The following DTD1 variants were observed in gnomAD, a reference collection of about 807,000 sequenced individuals.
The protein encoded by DTD1 is D-tyrosyl-tRNA deacylase 1 homolog.
DTD1 carries 13 observed loss-of-function variants against 25.6 expected under a neutral mutation model. That is an observed-to-expected ratio of 0.51 (90% CI 0.33 to 0.81). The LOEUF is 0.81. Ranked by LOEUF, DTD1 falls within the 30% of genes least tolerant of loss-of-function variation. The pLI is 0.02. For synonymous variants in DTD1, 110 were observed against 103.6 expected (o/e 1.06, Z -0.37); for missense variants, 193 against 266.4 (o/e 0.72, Z 1.92).
At chr20:18,717,262 TAG>T (rs1378277878) in intron 4 of DTD1, among the ~76,000 whole-genome samples, 1 of 152,180 alleles carries the variant, frequency 6.6e-6, no homozygotes, top group Non-Finnish European at 1.5e-5. Context: ...TTCACCATAG[TAG>T]TAACAGGAAG....
intron 4 of DTD1, among the ~76,000 whole-genome samples, chr20:18,723,788 A>G (rs765065342): frequency 2.0e-5 from 3 of 152,240 alleles, no homozygotes; most frequent in Non-Finnish European, 4.4e-5. Context: ...TAATGATTCT[A>G]TGAGTTCAGA....
intron 4 of DTD1, among the ~76,000 whole-genome samples, chr20:18,646,100 A>G (rs2060849325): frequency 6.6e-6 from 1 of 152,224 alleles, no homozygotes; most frequent in South Asian, 2.1e-4. Context: ...GGAGAGACCA[A>G]AGCAGAAGCG....
At chr20:18,674,338 T>TAGC (rs1426232749) in intron 4 of DTD1, 1 of 152,228 alleles carries the variant, frequency 6.6e-6, no homozygotes, top group Non-Finnish European at 1.5e-5. Context: ...AAACTGCTTG[T>TAGC]AGCAGTTCCA....
intron 5 of DTD1, among the ~76,000 whole-genome samples, chr20:18,762,219 A>G (rs1329030768): frequency 6.6e-6 from 1 of 152,234 alleles, no homozygotes; most frequent in Non-Finnish European, 1.5e-5. Context: ...TGGCACTGCC[A>G]TGGCATATTG....
chr20:18,601,328 A>G (rs1165346382), intron 3 of DTD1, among the ~76,000 whole-genome samples: 2 of 151,994 alleles, frequency 1.3e-5, no homozygotes, highest in African/African-American at 2.4e-5. Flanking sequence ...GGGAAACCCA[A>G]TTTCTATGAA....
Position 18,676,662 on chromosome 20 carries a change from C to T in DTD1, c.477+48429C>T, listed in dbSNP as rs996150707. On this transcript the variant is annotated intron_variant, in intron 4 of 5. Coordinates refer to ENST00000377452, the MANE Select transcript of DTD1 (RefSeq NM_080820.6). ...GCAAAACAGACAAGAGTAGAGTGCA[C>T]ACACAACTGATTTATCTTCAGAGCC... 1.1e-4 allele frequency among the ~76,000 whole-genome samples: 17 copies of T among 152,318 alleles called. No homozygotes were observed. The South Asian group carries it at 1.2e-3, about 11-fold the overall frequency.
At chr20:18,761,198 C>T (rs1435823455) in intron 5 of DTD1, among the ~76,000 whole-genome samples, 2 of 152,070 alleles carry the variant, frequency 1.3e-5, no homozygotes, top group African/African-American at 4.8e-5. Flanking sequence ...GAGGCGATGC[C>T]TCGCCCTGCT....
chr20:18,761,808 C>A (rs969515770), intron 5 of DTD1, among the ~76,000 whole-genome samples: 2 of 152,128 alleles, frequency 1.3e-5, no homozygotes, highest in Non-Finnish European at 2.9e-5. Context: ...ATGAATAGTC[C>A]CCAGGTCCGT....
In DTD1 at chr20:18,639,182, GA is replaced by G. The variant is rs56353252; in HGVS notation, c.477+10965del. On this transcript the variant is annotated intron_variant, in intron 4 of 5. Transcript: ENST00000377452. ...ACTTGTTTGATGGTTTTTTTTTTAAGAAAAAAAAAAAAAAAAGCAAGCAAGT... is the reference window on the plus strand; with the variant it reads ...ACTTGTTTGATGGTTTTTTTTTTAAGAAAAAAAAAAAAAAAGCAAGCAAGT... Among the ~76,000 whole-genome samples, 121 of 118,220 alleles carry G rather than the reference GA, an allele frequency of 1.0e-3. 1 individual carries two copies. Among genetic ancestry groups the G allele is most frequent in the Middle Eastern group, 4.6e-3 (1 of 218 alleles). The allele number at this position is 118,220 out of a possible 152,430, so 77.6% of individuals were successfully genotyped here. A position where few individuals can be genotyped will look rare whatever the true frequency, so the allele number is the denominator to read the frequency against.
At chr20:18,708,457 G>A (rs1326034908) in intron 4 of DTD1, among the ~76,000 whole-genome samples, 2 of 144,082 alleles carry the variant, frequency 1.4e-5, no homozygotes, top group Non-Finnish European at 1.5e-5. Flanking sequence ...CCTGGTTCAA[G>A]CGATTCTCGT....
chr20:18,656,008 T>G (rs1479539273), intron 4 of DTD1, among the ~76,000 whole-genome samples: 1 of 152,162 alleles, frequency 6.6e-6, no homozygotes, highest in Non-Finnish European at 1.5e-5. Context: ...CGACCTCAGA[T>G]GGTGCACCTG....
At chr20:18,611,301 G>C (rs914698766) in intron 3 of DTD1, 5 of 152,182 alleles carry the variant, frequency 3.3e-5, no homozygotes, top group African/African-American at 7.2e-5. Context: ...AAAATTCATA[G>C]AGCATGCGTT....
chr20:18,745,061 A>G (rs1055989556), intron 5 of DTD1, among the ~76,000 whole-genome samples: 2 of 152,136 alleles, frequency 1.3e-5, no homozygotes, highest in Non-Finnish European at 2.9e-5. Flanking sequence ...CAGAATCCAG[A>G]TGCAGATGCA....
At chr20:18,606,193 G>A (rs915499217) in intron 3 of DTD1, among the ~76,000 whole-genome samples, 1 of 149,598 alleles carries the variant, frequency 6.7e-6, no homozygotes, top group African/African-American at 2.5e-5. Flanking sequence ...ATCATCACTA[G>A]CCATCAGAGA....
intron 4 of DTD1, among the ~76,000 whole-genome samples, chr20:18,636,290 A>G (rs894300682): frequency 8.5e-5 from 13 of 152,246 alleles, no homozygotes; most frequent in African/African-American, 3.1e-4. Context: ...TTAGTTAAAC[A>G]GACTCAGTAT....
At chr20:18,647,004 A>G (rs1271413077) in intron 4 of DTD1, among the ~76,000 whole-genome samples, 1 of 152,268 alleles carries the variant, frequency 6.6e-6, no homozygotes, top group East Asian at 1.9e-4. Flanking sequence ...GCAGAACAAA[A>G]TAAAGCTCTG....
intron 4 of DTD1, among the ~76,000 whole-genome samples, chr20:18,703,710 G>T (rs2061114752): frequency 7.0e-6 from 1 of 142,992 alleles, no homozygotes; most frequent in Non-Finnish European, 1.5e-5. Flanking sequence ...CATAATTTCT[G>T]CTTTTTCATA....
At chr20:18,595,900 C>G in intron 2 of DTD1, 106 bp from the exon 3 acceptor site, 5 of 936,192 alleles carry the variant, frequency 5.3e-6, no homozygotes, top group Non-Finnish European at 8.6e-6. Flanking sequence ...ATGGAGTCAT[C>G]ATTATGTCCT....
At chr20:18,644,218 A>G (rs555027680) in intron 4 of DTD1, among the ~76,000 whole-genome samples, 1 of 108,592 alleles carries the variant, frequency 9.2e-6, no homozygotes, top group East Asian at 2.4e-4. Flanking sequence ...TTAAAATTTG[A>G]AGTATTTCAA....
Sources: allele counts gnomAD v4.1 joint callset (sites outside exome capture counted in the v4.1 genomes callset), GRCh38; gene constraint gnomAD v4.1.1; transcripts MANE v1.5; gene names NCBI Gene and HGNC (gene_info 2026-07-23, HGNC 2026-07-21).